Variants in B3GLCT observed in about 807,000 individuals in gnomAD.
The protein encoded by B3GLCT is beta-1,3-glucosyltransferase.
B3GLCT carries 65 observed loss-of-function variants against 63.4 expected under a neutral mutation model. The observed-to-expected ratio is 1.03, with a 90% confidence interval of 0.84 to 1.26. B3GLCT has a LOEUF of 1.26. Among genes scored for constraint, B3GLCT ranks in the 50% most tolerant of loss-of-function variants. B3GLCT has a pLI of 0.00. For missense variants in B3GLCT, 577 were observed against 604.8 expected (o/e 0.95, Z 0.48); for synonymous variants, 233 against 219.2 (o/e 1.06, Z -0.55).
At chr13:31,247,582 C>T (rs1327210277) in intron 5 of B3GLCT, among the ~76,000 whole-genome samples, 1 of 152,122 alleles carries the variant, frequency 6.6e-6, no homozygotes, top group Non-Finnish European at 1.5e-5. Context: ...CCTATATATG[C>T]TTTTTCTTAA....
At chr13:31,202,071 T>A (rs992966878) in intron 1 of B3GLCT, among the ~76,000 whole-genome samples, 6 of 152,192 alleles carry the variant, frequency 3.9e-5, no homozygotes, top group African/African-American at 1.4e-4. Context: ...CCACTTACGA[T>A]GTTCTTGGAA....
At chr13:31,229,661 G>C (rs1024191703) in intron 4 of B3GLCT, among the ~76,000 whole-genome samples, 2 of 151,452 alleles carry the variant, frequency 1.3e-5, no homozygotes, top group African/African-American at 4.9e-5. Context: ...CAGAAGAATC[G>C]CTTGAACCCA....
intron 3 of B3GLCT, among the ~76,000 whole-genome samples, chr13:31,223,578 G>T (rs1034397304): frequency 6.6e-6 from 1 of 151,992 alleles, no homozygotes; most frequent in African/African-American, 2.4e-5. Context: ...CACCCTCTCC[G>T]CCATAGTTTG....
At chr13:31,275,659 A>G (rs951143230) in intron 9 of B3GLCT, among the ~76,000 whole-genome samples, 2 of 152,084 alleles carry the variant, frequency 1.3e-5, no homozygotes, top group Non-Finnish European at 2.9e-5. Flanking sequence ...AGACCCTGAC[A>G]CTCACAAGGT....
At chr13:31,236,820 T>G (rs1870673249) in intron 4 of B3GLCT, among the ~76,000 whole-genome samples, 1 of 152,170 alleles carries the variant, frequency 6.6e-6, no homozygotes, top group Non-Finnish European at 1.5e-5. Context: ...ATTCCATGAA[T>G]AGCACTTTAG....
At chr13:31,278,355 C>T (rs768900001) in intron 10 of B3GLCT, among the ~76,000 whole-genome samples, 5 of 152,046 alleles carry the variant, frequency 3.3e-5, no homozygotes, top group Non-Finnish European at 5.9e-5. Flanking sequence ...GTTTGAGATA[C>T]TCTTTTTAGA....
chr13:31,318,516 G>A (rs1382896940), intron 13 of B3GLCT, among the ~76,000 whole-genome samples: 2 of 152,136 alleles, frequency 1.3e-5, no homozygotes, highest in Non-Finnish European at 2.9e-5. Context: ...AAGATAACAC[G>A]GTTATGGTGG....
chr13:31,292,409 A>C (rs966777011), intron 12 of B3GLCT, among the ~76,000 whole-genome samples: 1 of 152,066 alleles, frequency 6.6e-6, no homozygotes, highest in African/African-American at 2.4e-5. Context: ...TTGTATCTCT[A>C]GTGGAATTCG....
intron 4 of B3GLCT, among the ~76,000 whole-genome samples, chr13:31,241,475 G>T (rs940824891): frequency 6.6e-6 from 1 of 152,216 alleles, no homozygotes; most frequent in African/African-American, 2.4e-5. Context: ...AGCAGGGATG[G>T]CCTCTCCAGG....
intron 4 of B3GLCT, among the ~76,000 whole-genome samples, chr13:31,231,952 G>A (rs899994817): frequency 1.3e-5 from 2 of 152,146 alleles, no homozygotes; most frequent in Admixed American, 1.3e-4. Flanking sequence ...AGCTGAACTT[G>A]GCAGTTGTAT....
intron 6 of B3GLCT, among the ~76,000 whole-genome samples, chr13:31,251,189 A>C (rs865843947): frequency 6.6e-6 from 1 of 152,226 alleles, no homozygotes; most frequent in Non-Finnish European, 1.5e-5. Context: ...AAGGACGTCC[A>C]CTCAGAGACC....
intron 13 of B3GLCT, among the ~76,000 whole-genome samples, chr13:31,319,119 C>T (rs568477848): frequency 6.6e-6 from 1 of 152,198 alleles, no homozygotes; most frequent in Non-Finnish European, 1.5e-5. Flanking sequence ...CAGGACCTCA[C>T]AGGCCAGTGC....
intron 7 of B3GLCT, among the ~76,000 whole-genome samples, chr13:31,265,844 T>C (rs1872271710): frequency 6.6e-6 from 1 of 152,024 alleles, no homozygotes; most frequent in African/African-American, 2.4e-5. Flanking sequence ...GAAGTGGGAC[T>C]GAAAAAGTTA....
intron 12 of B3GLCT, among the ~76,000 whole-genome samples, chr13:31,287,942 T>C (rs931234489): frequency 6.6e-6 from 1 of 152,060 alleles, no homozygotes; most frequent in East Asian, 1.9e-4. Flanking sequence ...ATAATAACTA[T>C]CCAAACTGAA....
At chr13:31,212,116 T>G (rs1869291665) in intron 1 of B3GLCT, among the ~76,000 whole-genome samples, 1 of 152,058 alleles carries the variant, frequency 6.6e-6, no homozygotes, top group African/African-American at 2.4e-5. Context: ...AAAATTTTTT[T>G]TTTTTTTGAG....
chr13:31,203,872 A>T (rs1007162133), intron 1 of B3GLCT, among the ~76,000 whole-genome samples: 2 of 152,222 alleles, frequency 1.3e-5, no homozygotes, highest in Non-Finnish European at 2.9e-5. Context: ...AAGAAACCTG[A>T]TTTAACGTAG....
At chr13:31,248,655 A>G (rs1362623186) in intron 6 of B3GLCT, among the ~76,000 whole-genome samples, 1 of 152,190 alleles carries the variant, frequency 6.6e-6, no homozygotes, top group African/African-American at 2.4e-5. Context: ...GGGGGTGGGA[A>G]GGGATGTATC....
intron 7 of B3GLCT, among the ~76,000 whole-genome samples, chr13:31,262,129 C>T (rs893801957): frequency 2.6e-5 from 4 of 152,162 alleles, no homozygotes; most frequent in African/African-American, 7.2e-5. Context: ...CAGTTGACAG[C>T]GGCTTCCTGA....
intron 4 of B3GLCT, among the ~76,000 whole-genome samples, chr13:31,236,844 G>C (rs527297731): frequency 2.0e-5 from 3 of 152,212 alleles, no homozygotes; most frequent in East Asian, 3.9e-4. Context: ...TCCATGAATG[G>C]GGCCAAGTAT....
Sources: allele counts gnomAD v4.1 joint callset (sites outside exome capture counted in the v4.1 genomes callset), GRCh38; gene constraint gnomAD v4.1.1; transcripts MANE v1.5; gene names NCBI Gene and HGNC (gene_info 2026-07-23, HGNC 2026-07-21).